Variants in NSG2 observed in about 807,000 individuals in gnomAD.
The protein encoded by NSG2 is neuronal vesicle trafficking-associated protein 2.
Under a neutral mutation model 16.9 loss-of-function variants are expected in NSG2, and 4 were observed. The observed-to-expected ratio is 0.24, with a 90% CI of 0.12 to 0.54. The LOEUF (loss-of-function observed/expected upper bound fraction) is 0.54. Among genes scored for constraint, NSG2 ranks in the 20% least tolerant of loss-of-function variants. NSG2 has a pLI of 0.95. For missense variants in NSG2, 179 were observed against 221.1 expected, an observed-to-expected ratio of 0.81 and a Z score of 1.21; for synonymous variants, 98 against 88.7, an observed-to-expected ratio of 1.11 and a Z score of -0.59.
intron 3 of NSG2, among the ~76,000 whole-genome samples, chr5:174,102,758 A>T (rs867375084): frequency 9.4e-4 from 113 of 119,616 alleles, no homozygotes; most frequent in Middle Eastern, 4.1e-3. Flanking sequence ...TGTTTTTTTT[A>T]TTTATTTATT....
chr5:174,096,494 T>C (rs1018986104), intron 3 of NSG2, among the ~76,000 whole-genome samples: 10 of 152,072 alleles, frequency 6.6e-5, no homozygotes, highest in African/African-American at 2.4e-4. Context: ...GAAAAGGGAA[T>C]GGAGGTTAAA....
intron 2 of NSG2, among the ~76,000 whole-genome samples, chr5:174,063,555 TTTATTTTATTTTATTTATTTACA>T (rs1760091357): frequency 8.5e-6 from 1 of 117,386 alleles, no homozygotes; most frequent in Non-Finnish European, 1.8e-5. Flanking sequence ...TTTATTTTAT[TTTATTTTATTTTATTTATTTACA>T]TATTTATTTA....
At chr5:174,047,651 T>C (rs1561659845) in intron 2 of NSG2, among the ~76,000 whole-genome samples, 1 of 152,158 alleles carries the variant, frequency 6.6e-6, no homozygotes, top group Non-Finnish European at 1.5e-5. Context: ...GAGTGTCTTT[T>C]GGGGAGGCGT....
At chr5:174,096,327 T>C (rs899366588) in intron 3 of NSG2, among the ~76,000 whole-genome samples, 2 of 151,962 alleles carry the variant, frequency 1.3e-5, no homozygotes, top group African/African-American at 4.8e-5. Flanking sequence ...GGGGAGACTT[T>C]GGGGAGGAGG....
At chr5:174,054,487 A>G (rs1356593497) in intron 2 of NSG2, among the ~76,000 whole-genome samples, 7 of 152,126 alleles carry the variant, frequency 4.6e-5, no homozygotes, top group African/African-American at 1.4e-4. Context: ...GGCTCAAGCA[A>G]TCCTCCTGCC....
intron 2 of NSG2, among the ~76,000 whole-genome samples, chr5:174,059,763 C>T (rs941478094): frequency 6.6e-6 from 1 of 152,158 alleles, no homozygotes; most frequent in African/African-American, 2.4e-5. Flanking sequence ...TGTGTGCTGC[C>T]TTGTTCTTCT....
intron 3 of NSG2, among the ~76,000 whole-genome samples, chr5:174,095,530 T>C (rs142550155): frequency 3.1e-3 from 472 of 152,306 alleles, no homozygotes; most frequent in South Asian, 0.016. Context: ...TCTCCCTCCG[T>C]GTGTCTCTAA....
At chr5:174,067,339 C>T (rs1298831252) in intron 3 of NSG2, among the ~76,000 whole-genome samples, 1 of 147,408 alleles carries the variant, frequency 6.8e-6, no homozygotes, top group Non-Finnish European at 1.5e-5. Flanking sequence ...CAGGGCCTGG[C>T]GGCCTCTCTG....
At chr5:174,068,641 G>T (rs956144140) in intron 3 of NSG2, among the ~76,000 whole-genome samples, 2 of 151,644 alleles carry the variant, frequency 1.3e-5, no homozygotes, top group African/African-American at 4.9e-5. Context: ...TATGGAAGGT[G>T]CTGGTGCTAT....
intron 4 of NSG2, among the ~76,000 whole-genome samples, chr5:174,106,253 G>A (rs1005200382): frequency 1.3e-5 from 2 of 152,168 alleles, no homozygotes; most frequent in African/African-American, 4.8e-5. Flanking sequence ...CTTGAAATAT[G>A]TAAATGTTTG....
At chr5:174,104,370 A>G (rs1283728600) in intron 4 of NSG2, 32 bp downstream of exon 4, 8 of 1,472,964 alleles carry the variant, frequency 5.4e-6, no homozygotes, top group Non-Finnish European at 7.6e-6. Flanking sequence ...CCAGGTCACT[A>G]TCAAATTCAG....
chr5:174,104,082 A>G (rs1350581451), intron 3 of NSG2, 146 bp from the exon 4 acceptor site: 1 of 612,330 alleles, frequency 1.6e-6, no homozygotes, highest in East Asian at 2.8e-5. Context: ...CAAGTTAGTA[A>G]CAAAGCCAAG....
rs572950546 is a variant in NSG2, at chr5:174,046,806, A to G, written c.51A>G (p.Ser17=). ...GCGAGAAGGGAACCAAGCCGCCTTC[A>G]GTTGAGGATGGCTTCCAGACCGTCC... ...NPSEKGTKPP[S]VEDGFQTVPL... The change falls in exon 2 of 5, where the codon TCA becomes TCG. Residue 17 remains serine (S), a synonymous_variant. Coordinates refer to ENST00000303177, the MANE Select transcript of NSG2 (RefSeq NM_015980.5). 28 of 1,614,154 alleles carry G rather than the reference A, an allele frequency of 1.7e-5. 2 individuals carry two copies. In the South Asian group the frequency reaches 3.0e-4, roughly 17 times the overall value.
At chr5:174,057,207 C>T (rs956765220) in intron 2 of NSG2, among the ~76,000 whole-genome samples, 5 of 152,182 alleles carry the variant, frequency 3.3e-5, no homozygotes, top group East Asian at 1.9e-4. Context: ...TTTCTTCTCT[C>T]ATTTCTGCTG....
chr5:174,058,692 G>T (rs1760003262), intron 2 of NSG2, among the ~76,000 whole-genome samples: 1 of 152,198 alleles, frequency 6.6e-6, no homozygotes, highest in African/African-American at 2.4e-5. Context: ...GAACAAGCTT[G>T]TCAAAAATGA....
chr5:174,068,758 G>C (rs1760186954), intron 3 of NSG2, among the ~76,000 whole-genome samples: 1 of 122,560 alleles, frequency 8.2e-6, no homozygotes, highest in African/African-American at 3.2e-5. Flanking sequence ...CTGGTGCTGT[G>C]GAAGGTGCTG....
chr5:174,107,851 A>G lies in NSG2; in HGVS notation c.*346A>G. 1 of 444,284 alleles carries G rather than the reference A, an allele frequency of 2.3e-6. No homozygotes were observed. The highest frequency in any genetic ancestry group is 1.8e-5 in the South Asian group (1 of 55,152). The allele number at this position is 444,284 out of a possible 1,614,324, so 27.5% of individuals were successfully genotyped here. A position where few individuals can be genotyped will look rare whatever the true frequency, so the allele number is the denominator to read the frequency against. ...AGGAAAGAAACAAAGAACATGAACAAAAAGCATTAAACTGGCTCCATCAGA... is the reference window on the plus strand; with the variant it reads ...AGGAAAGAAACAAAGAACATGAACAGAAAGCATTAAACTGGCTCCATCAGA... On this transcript the variant is annotated 3_prime_UTR_variant, in exon 5 of 5. Coordinates refer to ENST00000303177, the MANE Select transcript of NSG2 (RefSeq NM_015980.5). The surrounding 1 kb of genome is among the most constrained non-coding windows in gnomAD (Gnocchi z 4.5).
intron 2 of NSG2, among the ~76,000 whole-genome samples, chr5:174,050,161 C>T (rs973498545): frequency 6.6e-6 from 1 of 152,112 alleles, no homozygotes; most frequent in Non-Finnish European, 1.5e-5. Flanking sequence ...TGGTTAGGCT[C>T]CAGTCAGATG....
intron 3 of NSG2, among the ~76,000 whole-genome samples, chr5:174,084,608 C>T (rs1223473591): frequency 1.3e-5 from 2 of 152,188 alleles, no homozygotes; most frequent in Non-Finnish European, 2.9e-5. Context: ...AGGAAGCAGC[C>T]CAGATCTGAA....
Sources: allele counts gnomAD v4.1 joint callset (sites outside exome capture counted in the v4.1 genomes callset), GRCh38; gene constraint gnomAD v4.1.1; non-coding constraint Gnocchi (gnomAD v3.1); transcripts MANE v1.5; gene names NCBI Gene and HGNC (gene_info 2026-07-23, HGNC 2026-07-21).